Variants in C8orf34 observed in about 807,000 individuals in gnomAD.
The protein encoded by C8orf34 is uncharacterized protein C8orf34.
A neutral mutation model predicts 68.3 loss-of-function variants in C8orf34; 65 were observed. That is an observed-to-expected ratio of 0.95 (90% CI 0.78 to 1.17). The LOEUF (loss-of-function observed/expected upper bound fraction) is 1.17, where lower values mean the gene tolerates loss of function less well. C8orf34 is among the 50% of genes most tolerant of loss of function. C8orf34 has a pLI of 0.00. For synonymous variants in C8orf34, 244 were observed against 241.2 expected (o/e 1.01, Z -0.11); for missense variants, 664 against 655.4 (o/e 1.01, Z -0.14).
chr8:68,810,904 G>A (rs986040854), intron 12 of C8orf34, among the ~76,000 whole-genome samples: 9 of 152,148 alleles, frequency 5.9e-5, no homozygotes, highest in Admixed American at 5.9e-4. Flanking sequence ...GTGCGCCTAG[G>A]AGAAGCATCA....
chr8:68,761,710 C>T (rs1823029213), intron 10 of C8orf34, among the ~76,000 whole-genome samples: 1 of 152,186 alleles, frequency 6.6e-6, no homozygotes, highest in South Asian at 2.1e-4. Context: ...CCACTAACAG[C>T]CTGGAGAAGT....
intron 3 of C8orf34, among the ~76,000 whole-genome samples, chr8:68,459,050 T>A (rs958491776): frequency 6.6e-6 from 1 of 152,180 alleles, no homozygotes; most frequent in Non-Finnish European, 1.5e-5. Context: ...TTGTACACAT[T>A]AGCAGATATG....
At position 68,787,522 on chromosome 8, in the gene C8orf34, C is replaced by A. The variant is rs760515243; in HGVS notation, c.1535C>A (p.Ala512Glu). Residue 512 changes from alanine to glutamate, a missense_variant, in exon 12 of 14, where the codon GCA (alanine) becomes GAA (glutamate). Physicochemically the swap from Ala to Glu is moderately radical, Grantham distance 107. Coordinates refer to ENST00000518698, the MANE Select transcript of C8orf34 (RefSeq NM_052958.4). Reference sequence around the variant, plus strand: ...GACACAGAAAGTGAAGGAGTGGAAGCAGAACAAGAGAAACGTGAGTAGACA... The same window carrying A: ...GACACAGAAAGTGAAGGAGTGGAAGAAGAACAAGAGAAACGTGAGTAGACA... ...PSDTESEGVE[A>E]EQEKRSADLL... The A allele has an allele frequency of 1.2e-5, 19 of 1,607,362 alleles. No individual in the cohort carries two copies. Among genetic ancestry groups the A allele is most frequent in the African/African-American group, 2.7e-5 (2 of 74,572 alleles).
At chr8:68,504,400 G>A (rs1292536897) in intron 5 of C8orf34, among the ~76,000 whole-genome samples, 1 of 152,158 alleles carries the variant, frequency 6.6e-6, no homozygotes, top group African/African-American at 2.4e-5. Context: ...TCTGTGTACA[G>A]GTTTTTGTAT....
At chr8:68,469,577 T>C (rs1158801084) in intron 4 of C8orf34, among the ~76,000 whole-genome samples, 2 of 152,080 alleles carry the variant, frequency 1.3e-5, no homozygotes, top group Non-Finnish European at 2.9e-5. Flanking sequence ...ACGTATACAC[T>C]ATATGGTTTT....
At chr8:68,632,195 G>A (rs1818709861) in intron 7 of C8orf34, among the ~76,000 whole-genome samples, 1 of 152,132 alleles carries the variant, frequency 6.6e-6, no homozygotes, top group Non-Finnish European at 1.5e-5. Flanking sequence ...TGGAGATGAG[G>A]AACTTTTTGG....
At chr8:68,360,462 A>C (rs147973867) in intron 1 of C8orf34, among the ~76,000 whole-genome samples, 1 of 152,222 alleles carries the variant, frequency 6.6e-6, no homozygotes, top group African/African-American at 2.4e-5. Flanking sequence ...AGTTCATGTA[A>C]ATTTTAAAGA....
intron 7 of C8orf34, among the ~76,000 whole-genome samples, chr8:68,632,380 G>A (rs569798639): frequency 6.6e-6 from 1 of 152,276 alleles, no homozygotes; most frequent in Non-Finnish European, 1.5e-5. Flanking sequence ...TGGTAAAAGT[G>A]TATGCCCATA....
chr8:68,648,177 T>C (rs927960574), intron 8 of C8orf34, among the ~76,000 whole-genome samples: 1 of 152,136 alleles, frequency 6.6e-6, no homozygotes, highest in Admixed American at 6.5e-5. Flanking sequence ...CAGTTAGATA[T>C]CCTCGAATGA....
intron 3 of C8orf34, among the ~76,000 whole-genome samples, chr8:68,464,850 G>C (rs1470790598): frequency 6.6e-6 from 1 of 152,000 alleles, no homozygotes; most frequent in African/African-American, 2.4e-5. Flanking sequence ...AAAAACCCTA[G>C]AAGAAAACCT....
intron 1 of C8orf34, among the ~76,000 whole-genome samples, chr8:68,381,738 C>CAAAAAAAAAA (rs769290635): frequency 1.4e-5 from 1 of 72,052 alleles, no homozygotes; most frequent in African/African-American, 6.1e-5. Flanking sequence ...GACTCCGTCT[C>CAAAAAAAAAA]AAAAAAAAAA....
At chr8:68,424,639 A>C (rs1452268919) in intron 1 of C8orf34, among the ~76,000 whole-genome samples, 8 of 152,144 alleles carry the variant, frequency 5.3e-5, no homozygotes, top group African/African-American at 1.7e-4. Flanking sequence ...AAAAAGAGCC[A>C]CCTGTAATCC....
At chr8:68,746,659 A>C (rs1169269560) in intron 10 of C8orf34, among the ~76,000 whole-genome samples, 1 of 149,280 alleles carries the variant, frequency 6.7e-6, no homozygotes, top group Non-Finnish European at 1.5e-5. Context: ...TCCTCGACAC[A>C]TACACCCTCC....
intron 11 of C8orf34, among the ~76,000 whole-genome samples, chr8:68,780,889 G>A (rs954508564): frequency 3.3e-5 from 5 of 152,204 alleles, no homozygotes; most frequent in Non-Finnish European, 5.9e-5. Flanking sequence ...TTTAACGGAA[G>A]TGATTTTTAA....
chr8:68,748,295 C>T (rs1033211487), intron 10 of C8orf34, among the ~76,000 whole-genome samples: 2 of 142,402 alleles, frequency 1.4e-5, no homozygotes, highest in African/African-American at 5.5e-5. Context: ...AGAAGAAAAC[C>T]TAGGCATCAC....
intron 3 of C8orf34, among the ~76,000 whole-genome samples, chr8:68,461,416 A>G (rs1185415762): frequency 1.3e-5 from 2 of 152,316 alleles, no homozygotes; most frequent in Middle Eastern, 3.4e-3. Flanking sequence ...GCAGGCCAAC[A>G]TTCAGATTCA....
intron 3 of C8orf34, among the ~76,000 whole-genome samples, chr8:68,450,013 G>C (rs1416986097): frequency 6.6e-6 from 1 of 152,088 alleles, no homozygotes; most frequent in Non-Finnish European, 1.5e-5. Context: ...TATCAACTAA[G>C]TTGATGCAAT....
At chr8:68,360,053 A>G (rs1421586655) in intron 1 of C8orf34, among the ~76,000 whole-genome samples, 3 of 152,158 alleles carry the variant, frequency 2.0e-5, no homozygotes, top group African/African-American at 7.2e-5. Context: ...ATAACACAAG[A>G]TGTTCCACTT....
intron 7 of C8orf34, among the ~76,000 whole-genome samples, chr8:68,562,838 A>G (rs1032697028): frequency 1.3e-5 from 2 of 152,212 alleles, no homozygotes; most frequent in Admixed American, 1.3e-4. Flanking sequence ...GTAATTTAAC[A>G]TGACATGTAA....
Sources: gnomAD v4.1 joint callset for allele counts (sites outside exome capture counted in the v4.1 genomes callset) on GRCh38, gnomAD v4.1.1 for gene constraint, MANE v1.5 for transcripts, NCBI Gene and HGNC (gene_info 2026-07-23, HGNC 2026-07-21) for gene names.